Variants in PAN3 observed in about 807,000 individuals in gnomAD.
The protein encoded by PAN3 is PAN2-PAN3 deadenylation complex subunit PAN3.
In PAN3, 19 loss-of-function variants were observed where a neutral mutation model predicts 96.2. The ratio of observed to expected loss-of-function variants is 0.20; its 90% CI spans 0.14 to 0.29. The LOEUF is 0.29. Among genes scored for constraint, PAN3 ranks in the 10% least tolerant of loss-of-function variants. The pLI is 1.00. For missense variants in PAN3, 882 were observed against 1,108.1 expected, an observed-to-expected ratio of 0.80 and a Z score of 2.90; for synonymous variants, 433 against 406.6, an observed-to-expected ratio of 1.06 and a Z score of -0.78.
At chr13:28,214,888 C>G (rs895501412) in intron 5 of PAN3, 1 of 877,738 alleles carries the variant, frequency 1.1e-6, no homozygotes, top group African/African-American at 1.6e-5. Flanking sequence ...GAAATTGAAG[C>G]TAGTAGCTCC....
chr13:28,186,516 T>C (rs1876487166), intron 4 of PAN3, among the ~76,000 whole-genome samples: 1 of 152,102 alleles, frequency 6.6e-6, no homozygotes, highest in African/African-American at 2.4e-5. Context: ...TAGTTATTGT[T>C]ATAGTCTCCT....
At chr13:28,235,613 C>T (rs1883006235) in intron 6 of PAN3, among the ~76,000 whole-genome samples, 2 of 151,618 alleles carry the variant, frequency 1.3e-5, no homozygotes, top group African/African-American at 4.9e-5. Context: ...TATAGTATCT[C>T]CCATTTCTTT....
At chr13:28,157,019 A>T (rs890660802) in intron 1 of PAN3, among the ~76,000 whole-genome samples, 2 of 150,694 alleles carry the variant, frequency 1.3e-5, no homozygotes, top group Non-Finnish European at 3.0e-5. Context: ...AAAAAAAAAA[A>T]GCTAAATCAC....
intron 7 of PAN3, among the ~76,000 whole-genome samples, chr13:28,257,669 T>A (rs1322513399): frequency 8.0e-6 from 1 of 125,514 alleles, no homozygotes; most frequent in East Asian, 2.0e-4. Flanking sequence ...TTTATATATA[T>A]GTAAAGTTAT....
At chr13:28,202,580 C>G (rs1285213689) in intron 5 of PAN3, among the ~76,000 whole-genome samples, 1 of 152,012 alleles carries the variant, frequency 6.6e-6, no homozygotes, top group Non-Finnish European at 1.5e-5. Context: ...CTTCTTTTTC[C>G]TTTAAGAGAT....
chr13:28,175,444 C>T (rs971360056), intron 2 of PAN3, among the ~76,000 whole-genome samples: 4 of 152,152 alleles, frequency 2.6e-5, no homozygotes, highest in Admixed American at 2.6e-4. Context: ...GAGATGAGGT[C>T]TGTGTTGCCC....
At position 28,254,813 on chromosome 13, in the gene PAN3, A is replaced by G. The variant is rs1593572243; in HGVS notation, c.1001-1479A>G. Among the ~76,000 whole-genome samples the G allele has an allele frequency of 4.6e-5, 7 of 152,228 alleles. 1 individual carries two copies. In the South Asian group the frequency reaches 1.5e-3, roughly 32 times the overall value. On this transcript the variant is annotated intron_variant, in intron 6 of 18. Coordinates refer to ENST00000380958, the MANE Select transcript of PAN3 (RefSeq NM_175854.8). ...ATCTCAATGCAGTAGACATTGTGTT[A>G]TAGTAAGTAGGAGTACTAGATTGGG... is the stretch of plus-strand genomic sequence containing the variant.
rs557754675 is a variant in PAN3 at position 28,243,684 on chromosome 13, G to A, written c.1001-12608G>A. Among the ~76,000 whole-genome samples, 22 of 151,952 alleles carry A rather than the reference G, an allele frequency of 1.4e-4. No individual in the cohort carries two copies. In the East Asian group the frequency reaches 4.3e-3, roughly 29 times the overall value. On this transcript the variant is annotated intron_variant, in intron 6 of 18. Transcript: ENST00000380958. ...TTTAATTTCTATCTCTTTAGGTTTT[G>A]TTTTTGTTTTTGTTTCTGTTGTGAG...
chr13:28,215,177 C>T, intron 5 of PAN3: 2 of 712,430 alleles, frequency 2.8e-6, no homozygotes, highest in East Asian at 2.6e-5. Flanking sequence ...ATAAAGATGG[C>T]AGCACCAGTG....
intron 17 of PAN3, among the ~76,000 whole-genome samples, chr13:28,285,044 A>G (rs567641777): frequency 2.0e-5 from 3 of 152,266 alleles, no homozygotes; most frequent in Non-Finnish European, 2.9e-5. Context: ...GTTGTTCTTT[A>G]TATAGTTATA....
intron 6 of PAN3, among the ~76,000 whole-genome samples, chr13:28,239,096 T>C (rs1883367030): frequency 6.6e-6 from 1 of 151,382 alleles, no homozygotes; most frequent in Non-Finnish European, 1.5e-5. Flanking sequence ...AGAGTTACTC[T>C]AGATATCCAA....
chr13:28,227,986 T>C (rs2138421404), intron 6 of PAN3, among the ~76,000 whole-genome samples: 1 of 152,352 alleles, frequency 6.6e-6, no homozygotes, highest in Middle Eastern at 3.4e-3. Flanking sequence ...CCGATCTGTT[T>C]CATAGCTGAA....
intron 1 of PAN3, among the ~76,000 whole-genome samples, chr13:28,159,648 A>G (rs1338192605): frequency 6.6e-6 from 1 of 152,092 alleles, no homozygotes; most frequent in Non-Finnish European, 1.5e-5. Flanking sequence ...GGGTTTCACC[A>G]TGTTGGTCAG....
rs765763410 is a variant in PAN3 at position 28,260,505 on chromosome 13, C to T, written c.1307C>T (p.Pro436Leu). The change falls in exon 8 of 19, where the codon CCG (proline) becomes CTG (leucine). Residue 436 changes from proline (P) to leucine (L), a missense_variant. By Grantham distance (98) the Pro-to-Leu change is moderately conservative. Coordinates refer to ENST00000380958, the MANE Select transcript of PAN3 (RefSeq NM_175854.8). ...GCACCTCACGTTGCTTATATGCAAC[C>T]GAAAGCAAACGCACCTTCCTTCTTC... The part of the protein sequence containing the change: ...PTAPHVAYMQ[P>L]KANAPSFFMA... 26 of 1,613,456 alleles carry T rather than the reference C, an allele frequency of 1.6e-5. No homozygotes were observed. Among genetic ancestry groups the T allele is most frequent in the African/African-American group, 4.0e-5 (3 of 74,872 alleles).
intron 6 of PAN3, chr13:28,239,520 G>A: frequency 1.0e-6 from 1 of 953,776 alleles, no homozygotes; most frequent in Non-Finnish European, 1.4e-6. Context: ...TTTCCACTTG[G>A]GTGTTGAAAG....
rs779468176 is a variant in PAN3 at position 28,138,603 on chromosome 13, T to TGGCGGCGGCGGC, written c.-53_-52insCGGCGGCGGCGG. On this transcript the variant is annotated 5_prime_UTR_variant, in exon 1 of 19. Coordinates refer to ENST00000380958, the MANE Select transcript of PAN3 (RefSeq NM_175854.8). ...TCTTCCTTTCCTCCCCCGTCTATGG[T>TGGCGGCGGCGGC]GGTGGCGGCGGCGGCTCCTCGGGCG... 9.0e-4 allele frequency: 421 copies of TGGCGGCGGCGGC among 465,474 alleles called. 2 individuals carry two copies. The highest frequency in any genetic ancestry group is 7.5e-3 in the African/African-American group (362 of 47,992). The allele number at this position is 465,474 out of a possible 1,614,324, so 28.8% of individuals were successfully genotyped here.
intron 17 of PAN3, among the ~76,000 whole-genome samples, chr13:28,284,507 A>T (rs1024025548): frequency 7.9e-5 from 12 of 152,080 alleles, no homozygotes; most frequent in Non-Finnish European, 1.5e-4. Context: ...TTCTACTCCA[A>T]GATTATGAAG....
Position 28,200,455 on chromosome 13 carries a change from A to C in PAN3, c.852+3109A>C, listed in dbSNP as rs1407604440. On this transcript the variant is annotated intron_variant, in intron 5 of 18. Coordinates refer to ENST00000380958, the MANE Select transcript of PAN3 (RefSeq NM_175854.8). ...CAAACCAACTAACAAGAAACTTAAC[A>C]AAACCTTGGTCCAAGTTTCCGAGCT... Among the ~76,000 whole-genome samples, 3 of 152,362 alleles carry C rather than the reference A, an allele frequency of 2.0e-5. No individual in the cohort carries two copies. The East Asian group carries it at 5.8e-4, about 29-fold the overall frequency.
chr13:28,206,303 T>TC (rs1338320687), intron 5 of PAN3, among the ~76,000 whole-genome samples: 2 of 150,640 alleles, frequency 1.3e-5, no homozygotes, highest in South Asian at 2.1e-4. Flanking sequence ...TTTGATAAGA[T>TC]CGTCTAACTG....
Sources: gnomAD v4.1 joint callset for allele counts (sites outside exome capture counted in the v4.1 genomes callset) on GRCh38, gnomAD v4.1.1 for gene constraint, MANE v1.5 for transcripts, NCBI Gene and HGNC (gene_info 2026-07-23, HGNC 2026-07-21) for gene names.